Variants in BRI3 observed in about 807,000 individuals in gnomAD.
BRI3 encodes the protein brain protein I3, also known as membrane protein BRI3.
In BRI3, 6 loss-of-function variants were observed where a neutral mutation model predicts 12.8. The observed-to-expected ratio is 0.47, with a 90% CI of 0.26 to 0.93. The LOEUF is 0.93. BRI3 is among the 40% of genes least tolerant of loss of function. The pLI is 0.15. For missense variants in BRI3, 134 were observed against 171.1 expected, an observed-to-expected ratio of 0.78 and a Z score of 1.21; for synonymous variants, 91 against 76.1, an observed-to-expected ratio of 1.20 and a Z score of -1.02.
chr7:98,282,297 T>A, intron 1 of BRI3, 54 bp from the exon 2 acceptor site: 1 of 1,438,656 alleles, frequency 7.0e-7, no homozygotes, highest in Non-Finnish European at 9.8e-7. Flanking sequence ...GTAGTCCCCG[T>A]GGCGGTCCGA....
chr7:98,301,452 A>T (rs1008643353), intron 1 of BRI3, among the ~76,000 whole-genome samples: 5 of 148,850 alleles, frequency 3.4e-5, no homozygotes, highest in African/African-American at 9.9e-5. Context: ...AAAGCCTGAA[A>T]GCCTTCTAGC....
downstream of BRI3, among the ~76,000 whole-genome samples, chr7:98,295,007 G>A (rs1411311060): frequency 6.6e-6 from 1 of 152,214 alleles, no homozygotes; most frequent in Non-Finnish European, 1.5e-5. Flanking sequence ...CCCAGGAGAG[G>A]GCAGTGTAAC....
the BRI3 span, among the ~76,000 whole-genome samples, chr7:98,316,832 T>C: frequency 6.6e-6 from 1 of 152,098 alleles, no homozygotes; most frequent in Non-Finnish European, 1.5e-5. Context: ...GTAACCATCA[T>C]TCTACTCCCC....
chr7:98,291,311 A>G lies in BRI3; in HGVS notation c.*68A>G, dbSNP rs7015. On this transcript the variant is annotated 3_prime_UTR_variant, in exon 3 of 3. Transcript: ENST00000297290. Reference sequence around the variant, plus strand: ...TCTAATGTAAATGTTGTGTACAATAATTTTATTTGATTAAGCTTCAGGACT... The same window carrying G: ...TCTAATGTAAATGTTGTGTACAATAGTTTTATTTGATTAAGCTTCAGGACT... 0.81 allele frequency: 1,290,682 copies of G among 1,597,822 alleles called. 522,695 individuals carry two copies. Among genetic ancestry groups the G allele is most frequent in the Non-Finnish European group, 0.82 (957,352 of 1,171,494 alleles).
At chr7:98,317,869 TC>T in the BRI3 span, among the ~76,000 whole-genome samples, 1 of 148,284 alleles carries the variant, frequency 6.7e-6, no homozygotes, top group Admixed American at 6.7e-5. Context: ...GCTGGGACCC[TC>T]ACTCTGCAGT....
At chr7:98,314,145 A>C (rs1174032499), downstream of BRI3, among the ~76,000 whole-genome samples, 7 of 151,352 alleles carry the variant, frequency 4.6e-5, no homozygotes, top group Non-Finnish European at 1.0e-4. Context: ...ACCACATGTG[A>C]TTAATTTTTG....
Position 98,291,539 on chromosome 7 carries a change from G to T in BRI3, c.*296G>T. ...TTCATACCATTGTTGACCTGGTGCT[G>T]CTTACTCGGTGCTTTCAGAGACCCA... On this transcript the variant is annotated 3_prime_UTR_variant, in exon 3 of 3. Coordinates refer to ENST00000297290, the MANE Select transcript of BRI3 (RefSeq NM_015379.5). 1 of 1,165,372 alleles carries T rather than the reference G, an allele frequency of 8.6e-7. No individual in the cohort carries two copies. Among genetic ancestry groups the T allele is most frequent in the Non-Finnish European group, 1.1e-6 (1 of 939,420 alleles). The allele number at this position is 1,165,372 out of a possible 1,614,324, so 72.2% of individuals were successfully genotyped here. A position where few individuals can be genotyped will look rare whatever the true frequency, so the allele number is the denominator to read the frequency against.
downstream of BRI3, among the ~76,000 whole-genome samples, chr7:98,313,394 C>G (rs1256754013): frequency 6.6e-6 from 1 of 152,104 alleles, no homozygotes; most frequent in Non-Finnish European, 1.5e-5. Context: ...CTGGAGCTCC[C>G]TGAAAAGGTG....
At chr7:98,299,320 G>GT (rs1293700076) in intron 1 of BRI3, among the ~76,000 whole-genome samples, 1 of 151,732 alleles carries the variant, frequency 6.6e-6, no homozygotes, top group African/African-American at 2.4e-5. Flanking sequence ...CGCCTGACTG[G>GT]TTTTTTAGTT....
chr7:98,296,040 CCCAGA>C (rs934747244), downstream of BRI3, among the ~76,000 whole-genome samples: 5 of 152,104 alleles, frequency 3.3e-5, no homozygotes, highest in Non-Finnish European at 7.4e-5. Flanking sequence ...GGAGAAACAG[CCCAGA>C]CCAGAAACAC....
upstream of BRI3, among the ~76,000 whole-genome samples, chr7:98,305,047 G>GTTTTTTTTTTT (rs59633894): frequency 3.0e-5 from 3 of 100,380 alleles, no homozygotes; most frequent in East Asian, 3.6e-4. Flanking sequence ...TTTGTTTTTT[G>GTTTTTTTTTTT]TTTTTTTTTT....
downstream of BRI3, chr7:98,292,344 C>T (rs1389056284): frequency 1.1e-5 from 4 of 379,410 alleles, no homozygotes; most frequent in Non-Finnish European, 1.5e-5. Context: ...GCCTCAGCCT[C>T]CTGAGTGGCG....
the BRI3 span, among the ~76,000 whole-genome samples, chr7:98,318,521 C>T: frequency 6.6e-6 from 1 of 151,950 alleles, no homozygotes; most frequent in Non-Finnish European, 1.5e-5. Context: ...ACCTTGGATC[C>T]ACCCGCCTTG....
At chr7:98,293,451 GCAGA>G, downstream of BRI3, 1 of 1,421,584 alleles carries the variant, frequency 7.0e-7, no homozygotes, top group Non-Finnish European at 9.9e-7. Context: ...TCAGCACGTG[GCAGA>G]CAGGATGCGC....
At chr7:98,315,118 T>G (rs1176342532), downstream of BRI3, among the ~76,000 whole-genome samples, 1 of 152,070 alleles carries the variant, frequency 6.6e-6, no homozygotes, top group African/African-American at 2.4e-5. Context: ...TGTGTGTATA[T>G]CTCTGTACGT....
At chr7:98,304,439 C>T, upstream of BRI3, 1 of 1,543,136 alleles carries the variant, frequency 6.5e-7, no homozygotes, top group Non-Finnish European at 8.9e-7. Context: ...CCCAAACATC[C>T]TCTGTGTCCC....
At chr7:98,292,287 A>T (rs894656333), downstream of BRI3, 1 of 312,152 alleles carries the variant, frequency 3.2e-6, no homozygotes. Flanking sequence ...CAGCAGCATG[A>T]TCTGGCTCAC....
At chr7:98,318,835 T>C in the BRI3 span, among the ~76,000 whole-genome samples, 4 of 150,748 alleles carry the variant, frequency 2.7e-5, no homozygotes, top group Admixed American at 6.6e-5. Flanking sequence ...TCCCAGCTAA[T>C]TGGGAGGCTG....
chr7:98,313,501 G>T (rs1261007143), downstream of BRI3, among the ~76,000 whole-genome samples: 1 of 151,842 alleles, frequency 6.6e-6, no homozygotes, highest in East Asian at 1.9e-4. Flanking sequence ...GCCACAGGAT[G>T]CCCTCACTCT....
Sources: gnomAD v4.1 joint callset for allele counts (sites outside exome capture counted in the v4.1 genomes callset) on GRCh38, gnomAD v4.1.1 for gene constraint, MANE v1.5 for transcripts, NCBI Gene and HGNC (gene_info 2026-07-23, HGNC 2026-07-21) for gene names.